Variants in MCM5 observed in about 807,000 individuals in gnomAD.
The protein encoded by MCM5 is DNA replication licensing factor MCM5.
In MCM5, 46 loss-of-function variants were observed where a neutral mutation model predicts 79.9. The ratio of observed to expected loss-of-function variants is 0.58; its 90% confidence interval spans 0.45 to 0.74. MCM5 has a LOEUF of 0.74. MCM5 is among the 30% of genes least tolerant of loss of function. The pLI is 0.00. For missense variants in MCM5, 883 were observed against 1,017.0 expected (o/e 0.87, Z 1.79); for synonymous variants, 404 against 390.5 (o/e 1.03, Z -0.41).
chr22:35,439,922 T>TTA, the MCM5 span, among the ~76,000 whole-genome samples: 2 of 152,194 alleles, frequency 1.3e-5, no homozygotes, highest in South Asian at 4.1e-4. Flanking sequence ...CCCACCTTCC[T>TTA]TATACATTGA....
chr22:35,454,985 A>G, the MCM5 span, among the ~76,000 whole-genome samples: 2 of 151,960 alleles, frequency 1.3e-5, no homozygotes, highest in Non-Finnish European at 2.9e-5. Context: ...TGGAATAATC[A>G]TAGTTTATAA....
In MCM5 at chr22:35,421,385, G is replaced by C; in HGVS notation, c.1900G>C (p.Glu634Gln). 6.2e-7 allele frequency: 1 copy of C among 1,614,158 alleles called. No homozygotes were observed. The highest frequency in any genetic ancestry group is 8.5e-7 in the Non-Finnish European group (1 of 1,180,040). The change falls in exon 15 of 17, where the codon GAG becomes CAG. Residue 634 changes from glutamate to glutamine, a missense_variant. This residue lies in a region of MCM5 where 426 missense variants were observed against 482.3 expected (regional missense o/e 0.88). Transcript: ENST00000216122. ...GATGAAGCTGCAGCCCTTCGCCACA[G>C]AGGCAGATGTGGAGGAGGCCCTGCG... ...SKMKLQPFAT[E>Q]ADVEEALRLF...
chr22:35,423,178 C>T (rs1368625922), intron 15 of MCM5, 36 bp from the exon 16 acceptor site: 2 of 1,525,476 alleles, frequency 1.3e-6, no homozygotes, highest in Non-Finnish European at 1.8e-6. Flanking sequence ...CCCATTGTCC[C>T]AGCTCCCCGG....
Position 35,421,367 on chromosome 22 carries a change from C to G in MCM5, c.1882C>G (p.Leu628Val). The change falls in exon 15 of 17, where the codon CTG becomes GTG. Residue 628 changes from leucine (L) to valine (V), a missense_variant. Transcript: ENST00000216122. Reference sequence around the variant, plus strand: ...CGCGGAAGCCCTCAGCAAGATGAAGCTGCAGCCCTTCGCCACAGAGGCAGA... The same window carrying G: ...CGCGGAAGCCCTCAGCAAGATGAAGGTGCAGCCCTTCGCCACAGAGGCAGA... ...RIAEALSKMKLQPFATEADVE... is the reference protein window; with the variant it reads ...RIAEALSKMKVQPFATEADVE... 2 of 1,614,094 alleles carry G rather than the reference C, an allele frequency of 1.2e-6. No individual in the cohort carries two copies. The highest frequency in any genetic ancestry group is 2.2e-5 in the South Asian group (2 of 91,084).
chr22:35,419,828 AG>A (rs1166414040), intron 13 of MCM5, 55 bp from the exon 14 acceptor site: 2 of 1,530,248 alleles, frequency 1.3e-6, no homozygotes, highest in African/African-American at 1.4e-5. Context: ...GGGAAAGGGT[AG>A]GTGCCCTAAG....
intron 8 of MCM5, among the ~76,000 whole-genome samples, chr22:35,413,339 C>G (rs1051296057): frequency 6.6e-6 from 1 of 152,328 alleles, no homozygotes; most frequent in South Asian, 2.1e-4. Flanking sequence ...CCACCGCACC[C>G]GGCCGCACAG....
At chr22:35,404,951 A>T (rs1932167425) in intron 4 of MCM5, among the ~76,000 whole-genome samples, 1 of 152,124 alleles carries the variant, frequency 6.6e-6, no homozygotes, top group African/African-American at 2.4e-5. Flanking sequence ...ACATTAGAAT[A>T]TAAAGAGAAT....
chr22:35,430,912 A>C, the MCM5 span, among the ~76,000 whole-genome samples: 1 of 151,796 alleles, frequency 6.6e-6, no homozygotes, highest in South Asian at 2.1e-4. Flanking sequence ...AATAACCCTG[A>C]ATAATCAGGA....
chr22:35,421,690 C>A, intron 15 of MCM5: 1 of 602,666 alleles, frequency 1.7e-6, no homozygotes, highest in Non-Finnish European at 3.0e-6. Context: ...TGAACACAAT[C>A]CTCTTGACCC....
intron 4 of MCM5, among the ~76,000 whole-genome samples, chr22:35,403,852 A>C (rs973322397): frequency 1.3e-5 from 2 of 152,000 alleles, no homozygotes; most frequent in Non-Finnish European, 2.9e-5. Flanking sequence ...ACAGTGGCTC[A>C]TGCCTCTAAT....
chr22:35,440,536 A>G, the MCM5 span, among the ~76,000 whole-genome samples: 1 of 152,164 alleles, frequency 6.6e-6, no homozygotes, highest in African/African-American at 2.4e-5. Flanking sequence ...CCATGTCCTT[A>G]CAGTCATCTT....
intron 7 of MCM5, chr22:35,411,217 C>T (rs772740804): frequency 2.6e-4 from 58 of 222,030 alleles, no homozygotes; most frequent in African/African-American, 4.6e-4. Flanking sequence ...AGAAGTGAAA[C>T]GCAGGGTTCC....
rs376183750 is a variant in MCM5, at chr22:35,404,488, C to G, written c.423+946C>G. 5.3e-5 allele frequency among the ~76,000 whole-genome samples: 8 copies of G among 152,060 alleles called. No individual in the cohort carries two copies. The East Asian group carries it at 1.3e-3, about 26-fold the overall frequency. On this transcript the variant is annotated intron_variant, in intron 4 of 16. Coordinates refer to ENST00000216122, the MANE Select transcript of MCM5 (RefSeq NM_006739.4). ...GGTGGTTACAACATACCCCTTCCCC[C>G]CCGTGATTTTTGGAAGCTGGAAGTT... is the stretch of plus-strand genomic sequence containing the variant.
chr22:35,411,100 G>A (rs1932371346), intron 7 of MCM5, 190 bp downstream of exon 7: 2 of 523,536 alleles, frequency 3.8e-6, no homozygotes, highest in Non-Finnish European at 6.7e-6. Context: ...GTGGCTCCTG[G>A]GCTGAGGGTG....
In MCM5 at chr22:35,410,984, C is replaced by T. The variant is rs535377801; in HGVS notation, c.919+74C>T. On this transcript the variant is annotated intron_variant, in intron 7 of 16. Coordinates refer to ENST00000216122, the MANE Select transcript of MCM5 (RefSeq NM_006739.4). ...TGCATACTTCTGGTAACAGGCAGCTCGTTACTTCATGAGGTAGCCCAGGAT... is the reference window on the plus strand; with the variant it reads ...TGCATACTTCTGGTAACAGGCAGCTTGTTACTTCATGAGGTAGCCCAGGAT... The T allele has an allele frequency of 3.2e-5, 45 of 1,404,476 alleles. No individual in the cohort carries two copies. In the African/African-American group the frequency reaches 4.7e-4, roughly 15 times the overall value. 87.0% of individuals were successfully genotyped at this position (1,404,476 alleles called of 1,614,324 possible).
At chr22:35,445,959 G>C in the MCM5 span, among the ~76,000 whole-genome samples, 53 of 152,324 alleles carry the variant, frequency 3.5e-4, no homozygotes, top group African/African-American at 1.3e-3. Flanking sequence ...TGTGTTCTTT[G>C]AGGTCAGCAA....
At chr22:35,430,972 C>T in the MCM5 span, among the ~76,000 whole-genome samples, 2 of 152,104 alleles carry the variant, frequency 1.3e-5, no homozygotes, top group Non-Finnish European at 2.9e-5. Context: ...CCCAGGGGTG[C>T]GAGGAGAACA....
At chr22:35,400,335 C>T in intron 1 of MCM5, 96 bp from the exon 2 acceptor site, 1 of 1,427,664 alleles carries the variant, frequency 7.0e-7, no homozygotes, top group African/African-American at 1.4e-5. Context: ...CCGGGGGTCC[C>T]CCTGCTCCGG....
In MCM5 at chr22:35,424,160, C is replaced by T. The variant is rs560173736; in HGVS notation, c.2110C>T (p.Pro704Ser). The change falls in exon 17 of 17, where the codon CCG (proline) becomes TCG (serine). Residue 704 changes from proline (P) to serine (S), a missense_variant. Around this residue, in one of 3 missense-constraint regions of MCM5, gnomAD observed 426 missense variants for 482.3 expected, o/e 0.88. Coordinates refer to ENST00000216122, the MANE Select transcript of MCM5 (RefSeq NM_006739.4). ...CAGCCATGTGCTCCCACAGAAATAC[C>T]CGGAGCACGCCATCCACAAGGTGCT... ...IIKDFTKQKYPEHAIHKVLQL... is the reference protein window; with the variant it reads ...IIKDFTKQKYSEHAIHKVLQL... 1.5e-5 allele frequency: 23 copies of T among 1,549,962 alleles called. No individual in the cohort carries two copies. In the East Asian group the frequency reaches 4.6e-4, roughly 31 times the overall value.
Sources: allele counts gnomAD v4.1 joint callset (sites outside exome capture counted in the v4.1 genomes callset), GRCh38; gene constraint gnomAD v4.1.1; regional missense constraint gnomAD v4.1.1; transcripts MANE v1.5; gene names NCBI Gene and HGNC (gene_info 2026-07-23, HGNC 2026-07-21).